Variants in STAB2 observed in about 807,000 individuals in gnomAD.
STAB2 encodes stabilin 2.
STAB2 carries 288 observed loss-of-function variants against 338.1 expected under a neutral mutation model. That is an observed-to-expected ratio of 0.85 (90% CI 0.77 to 0.94). The LOEUF (loss-of-function observed/expected upper bound fraction) is 0.94, where lower values mean the gene tolerates loss of function less well. Ranked by LOEUF, STAB2 falls within the 40% of genes least tolerant of loss-of-function variation. The pLI is 0.00. For synonymous variants in STAB2, 1,202 were observed against 1,193.3 expected (o/e 1.01, Z -0.15); for missense variants, 3,141 against 3,210.1 (o/e 0.98, Z 0.52).
At chr12:103,631,722 C>T (rs370917646) in intron 6 of STAB2, 29 bp downstream of exon 6, 3 of 1,600,378 alleles carry the variant, frequency 1.9e-6, no homozygotes, top group Non-Finnish European at 1.7e-6. Flanking sequence ...CTTAATGCCA[C>T]ACCAGATCAA....
chr12:103,690,056 A>G, intron 29 of STAB2, 74 bp downstream of exon 29: 1 of 1,547,924 alleles, frequency 6.5e-7, no homozygotes, highest in Non-Finnish European at 8.7e-7. Flanking sequence ...AGTTCAATGT[A>G]GGAAAACCAC....
At chr12:103,606,480 A>G (rs114074614) in intron 3 of STAB2, among the ~76,000 whole-genome samples, 263 of 152,040 alleles carry the variant, frequency 1.7e-3, no homozygotes, top group African/African-American at 6.1e-3. Flanking sequence ...TGTATCTGGT[A>G]TTTTTTTTCT....
intron 34 of STAB2, among the ~76,000 whole-genome samples, chr12:103,702,467 T>G (rs1878982444): frequency 6.7e-6 from 1 of 149,052 alleles, no homozygotes; most frequent in African/African-American, 2.5e-5. Context: ...CCCGGCTAAT[T>G]TTTTTGTATT....
chr12:103,615,154 T>G (rs1957189648), intron 3 of STAB2, among the ~76,000 whole-genome samples: 1 of 152,162 alleles, frequency 6.6e-6, no homozygotes, highest in African/African-American at 2.4e-5. Flanking sequence ...GTAGGGATGA[T>G]TTTTCTAATT....
chr12:103,656,461 T>C (rs1874184347), intron 15 of STAB2, among the ~76,000 whole-genome samples: 1 of 152,202 alleles, frequency 6.6e-6, no homozygotes. Context: ...TCCAAAGCCC[T>C]ACCTCAAGCA....
At chr12:103,734,455 A>G (rs1214721362) in intron 51 of STAB2, among the ~76,000 whole-genome samples, 14 of 152,130 alleles carry the variant, frequency 9.2e-5, no homozygotes, top group East Asian at 3.9e-4. Context: ...AAGCACGATC[A>G]TACAGGAGCA....
At chr12:103,663,444 G>A (rs1415517544) in intron 18 of STAB2, among the ~76,000 whole-genome samples, 1 of 152,176 alleles carries the variant, frequency 6.6e-6, no homozygotes, top group Non-Finnish European at 1.5e-5. Context: ...GCTTGTAGCT[G>A]CAGGGGTCTC....
At chr12:103,610,590 T>A (rs1171625519) in intron 3 of STAB2, among the ~76,000 whole-genome samples, 1 of 152,220 alleles carries the variant, frequency 6.6e-6, no homozygotes, top group East Asian at 1.9e-4. Flanking sequence ...TCTTCTTTAT[T>A]AATCTTGCTA....
At position 103,704,593 on chromosome 12, in the gene STAB2, C is replaced by T. The variant is rs1187237535; in HGVS notation, c.3879C>T (p.Cys1293=). ...RCRTCSSELT[C]PFGTKSLGNE... Reference sequence around the variant, plus strand: ...GGACATGCTCCTCAGAGCTGACCTGCCCATTCGGAACTAAATCTCTAGTAA... The same window carrying T: ...GGACATGCTCCTCAGAGCTGACCTGTCCATTCGGAACTAAATCTCTAGTAA... The change falls in exon 36 of 69, where the codon TGC becomes TGT. Residue 1293 remains cysteine (C), a synonymous_variant. Coordinates refer to ENST00000388887, the MANE Select transcript of STAB2 (RefSeq NM_017564.10). The T allele has an allele frequency of 6.2e-7, 1 of 1,613,542 alleles. No individual in the cohort carries two copies. Among genetic ancestry groups the T allele is most frequent in the South Asian group, 1.1e-5 (1 of 90,962 alleles).
At position 103,695,731 on chromosome 12, in the gene STAB2, T is replaced by C. The variant is rs1229131557; in HGVS notation, c.3475-6T>C. On this transcript the variant is annotated splice_region_variant and splice_polypyrimidine_tract_variant and intron_variant, in intron 32 of 68. Coordinates refer to ENST00000388887, the MANE Select transcript of STAB2 (RefSeq NM_017564.10). ...CCTCATGCACTCTTGTCTCTTTCCA[T>C]CGCAGCAATATAATCTGGCGAATGC... is the stretch of plus-strand genomic sequence containing the variant. 1 of 1,614,204 alleles carries C rather than the reference T, an allele frequency of 6.2e-7. No individual in the cohort carries two copies. Among genetic ancestry groups the C allele is most frequent in the Non-Finnish European group, 8.5e-7 (1 of 1,180,020 alleles).
chr12:103,708,330 C>G, intron 38 of STAB2, 111 bp from the exon 39 acceptor site: 2 of 1,067,476 alleles, frequency 1.9e-6, no homozygotes, highest in Middle Eastern at 2.1e-4. Context: ...GACTATGATT[C>G]CTAGAAGTAG....
At chr12:103,741,974 T>C (rs1291094376) in intron 55 of STAB2, among the ~76,000 whole-genome samples, 1 of 152,246 alleles carries the variant, frequency 6.6e-6, no homozygotes, top group African/African-American at 2.4e-5. Flanking sequence ...ATCAGTATCA[T>C]TCTAATATTT....
chr12:103,715,863 A>G lies in STAB2; in HGVS notation c.4586A>G (p.Glu1529Gly). The change falls in exon 43 of 69, where the codon GAG becomes GGG. Residue 1529 changes from glutamate (E) to glycine (G), a missense_variant. Coordinates refer to ENST00000388887, the MANE Select transcript of STAB2 (RefSeq NM_017564.10). ...CATGGTGGCTGTGACAAGAATGCGG[A>G]GTGCACACAGACAGGACCCAACCAG... ...ENHGGCDKNA[E>G]CTQTGPNQAA... The G allele has an allele frequency of 6.2e-7, 1 of 1,614,114 alleles. No individual in the cohort carries two copies.
intron 51 of STAB2, among the ~76,000 whole-genome samples, chr12:103,733,829 ACAG>A (rs1881846313): frequency 6.6e-6 from 1 of 151,982 alleles, no homozygotes; most frequent in Non-Finnish European, 1.5e-5. Flanking sequence ...AAGCACGATC[ACAG>A]CAGCAAGCAT....
intron 23 of STAB2, 112 bp downstream of exon 23, chr12:103,674,199 G>A: frequency 8.1e-7 from 1 of 1,235,074 alleles, no homozygotes; most frequent in East Asian, 2.4e-5. Flanking sequence ...TCTGAACTCT[G>A]AACTGAGGCC....
chr12:103,691,722 T>C (rs1392197230), intron 30 of STAB2, among the ~76,000 whole-genome samples: 1 of 152,198 alleles, frequency 6.6e-6, no homozygotes, highest in Non-Finnish European at 1.5e-5. Context: ...ACATTTGTAA[T>C]GAGTTCATTC....
At chr12:103,634,390 A>G (rs1005681812) in intron 6 of STAB2, among the ~76,000 whole-genome samples, 1 of 152,192 alleles carries the variant, frequency 6.6e-6, no homozygotes, top group Non-Finnish European at 1.5e-5. Context: ...AGTGATTGCT[A>G]TGATAAAAGG....
intron 31 of STAB2, among the ~76,000 whole-genome samples, chr12:103,694,071 G>A (rs1490060350): frequency 6.6e-6 from 1 of 151,962 alleles, no homozygotes; most frequent in African/African-American, 2.4e-5. Flanking sequence ...TCCCTAAGGA[G>A]CTCCTTCTCT....
chr12:103,608,799 C>CCT (rs1292789406), intron 3 of STAB2, among the ~76,000 whole-genome samples: 12 of 152,132 alleles, frequency 7.9e-5, no homozygotes, highest in African/African-American at 2.9e-4. Flanking sequence ...AGGTTTTCTT[C>CCT]TAGGGTTTTT....
Sources: allele counts gnomAD v4.1 joint callset (sites outside exome capture counted in the v4.1 genomes callset), GRCh38; gene constraint gnomAD v4.1.1; transcripts MANE v1.5; gene names NCBI Gene and HGNC (gene_info 2026-07-23, HGNC 2026-07-21).